KIRREL3: variants seen among roughly 807,000 people sequenced by gnomAD.
The protein encoded by KIRREL3 is kin of IRRE-like protein 3.
Under a neutral mutation model 89.7 loss-of-function variants are expected in KIRREL3, and 36 were observed. That is an observed-to-expected ratio of 0.40 (90% CI 0.31 to 0.53). The LOEUF (loss-of-function observed/expected upper bound fraction) is 0.53. Among genes scored for constraint, KIRREL3 ranks in the 20% least tolerant of loss-of-function variants. The pLI is 0.49. For synonymous variants in KIRREL3, 445 were observed against 441.4 expected (o/e 1.01, Z -0.10); for missense variants, 864 against 1,056.6 (o/e 0.82, Z 2.53).
intron 1 of KIRREL3, chr11:126,936,276 C>G (rs1948180349): frequency 6.6e-6 from 1 of 152,090 alleles, no homozygotes; most frequent in Admixed American, 6.5e-5. Context: ...AACTGGAACC[C>G]TCAATACATT....
intron 1 of KIRREL3, among the ~76,000 whole-genome samples, chr11:126,825,582 C>T (rs915379560): frequency 1.3e-5 from 2 of 152,168 alleles, no homozygotes; most frequent in South Asian, 2.1e-4. Context: ...TGATAAAAAT[C>T]ACAGGCTACT....
intron 1 of KIRREL3, among the ~76,000 whole-genome samples, chr11:126,880,587 C>T (rs934694815): frequency 1.3e-4 from 19 of 150,398 alleles, no homozygotes; most frequent in African/African-American, 4.6e-4. Flanking sequence ...TTTCTTAATG[C>T]AGAAACCAAG....
chr11:126,450,188 T>C (rs1203025251), intron 7 of KIRREL3, among the ~76,000 whole-genome samples: 3 of 152,282 alleles, frequency 2.0e-5, no homozygotes, highest in Admixed American at 6.5e-5. Flanking sequence ...TGTATGTGTG[T>C]GCATGTGTGT....
intron 1 of KIRREL3, among the ~76,000 whole-genome samples, chr11:126,816,764 C>G (rs2134440693): frequency 6.6e-6 from 1 of 152,358 alleles, no homozygotes; most frequent in South Asian, 2.1e-4. Context: ...AAAGCCTGGT[C>G]TCCATGTTGT....
chr11:126,534,475 A>AAGGTAG (rs552300476), intron 2 of KIRREL3, among the ~76,000 whole-genome samples: 45 of 152,142 alleles, frequency 3.0e-4, no homozygotes, highest in Admixed American at 1.2e-3. Flanking sequence ...CGCCGCCTGG[A>AAGGTAG]AGGTAGGTCA....
At chr11:126,487,483 G>GA (rs1306252652) in intron 4 of KIRREL3, among the ~76,000 whole-genome samples, 6 of 152,176 alleles carry the variant, frequency 3.9e-5, no homozygotes, top group Non-Finnish European at 8.8e-5. Flanking sequence ...GGGAATCCCA[G>GA]AAAATCACTA....
At chr11:126,982,243 T>C (rs886082069) in intron 1 of KIRREL3, among the ~76,000 whole-genome samples, 1 of 152,220 alleles carries the variant, frequency 6.6e-6, no homozygotes, top group Non-Finnish European at 1.5e-5. Context: ...CTTCTCTCTC[T>C]GGGCTTGTTA....
rs902854648 is a variant in KIRREL3 at position 126,739,797 on chromosome 11, C to A, written c.56-176885G>T. ...GGCAGCATGTATCAGAGTTTAAAAA[C>A]CTCAGGGAGTTTTGGGCCAGCAAAT... On this transcript the variant is annotated intron_variant, in intron 1 of 16. Coordinates refer to ENST00000525144, the MANE Select transcript of KIRREL3 (RefSeq NM_032531.4). The surrounding 1 kb of genome is among the most constrained non-coding windows in gnomAD (Gnocchi z 5.5). Among the ~76,000 whole-genome samples the A allele has an allele frequency of 6.6e-6, 1 of 152,184 alleles. No individual in the cohort carries two copies. The highest frequency in any genetic ancestry group is 2.4e-5 in the African/African-American group (1 of 41,430).
At chr11:126,831,128 A>G (rs1320722877) in intron 1 of KIRREL3, among the ~76,000 whole-genome samples, 1 of 152,202 alleles carries the variant, frequency 6.6e-6, no homozygotes, top group Non-Finnish European at 1.5e-5. Flanking sequence ...CCTATAAAAC[A>G]GGGACAGTGA....
In KIRREL3 at chr11:126,561,677, G is replaced by A. The variant is rs1344775892; in HGVS notation, c.133+1158C>T. On this transcript the variant is annotated intron_variant, in intron 2 of 16. Coordinates refer to ENST00000525144, the MANE Select transcript of KIRREL3 (RefSeq NM_032531.4). The surrounding 1 kb of genome is among the most constrained non-coding windows in gnomAD (Gnocchi z 4.5). ...GCCATGGGGTTCCTACAAATGGGAA[G>A]TAGCTTTTTGATGCTGTTGGCTTCA... Among the ~76,000 whole-genome samples the A allele has an allele frequency of 1.3e-5, 2 of 152,238 alleles. No individual in the cohort carries two copies. The highest frequency in any genetic ancestry group is 1.3e-4 in the Admixed American group (2 of 15,286).
chr11:126,958,752 T>TTCCTA (rs1948997632), intron 1 of KIRREL3, among the ~76,000 whole-genome samples: 1 of 152,182 alleles, frequency 6.6e-6, no homozygotes, highest in African/African-American at 2.4e-5. Context: ...TTGGGGATAT[T>TTCCTA]TCCTATAAAT....
At position 126,890,065 on chromosome 11, in the gene KIRREL3, T is replaced by C. The variant is rs1945851426; in HGVS notation, c.55+110390A>G. Among the ~76,000 whole-genome samples the C allele has an allele frequency of 6.6e-6, 1 of 152,286 alleles. No individual in the cohort carries two copies. Among genetic ancestry groups the C allele is most frequent in the Admixed American group, 6.5e-5 (1 of 15,308 alleles). On this transcript the variant is annotated intron_variant, in intron 1 of 16. Coordinates refer to ENST00000525144, the MANE Select transcript of KIRREL3 (RefSeq NM_032531.4). The surrounding 1 kb of genome is among the most constrained non-coding windows in gnomAD (Gnocchi z 5.1). ...CCAGCCACAATCACAAATAACTATC[T>C]GGTGGAGGATCTTGTGTCCTTTCAT...
chr11:126,545,590 G>A (rs1230373862), intron 2 of KIRREL3, among the ~76,000 whole-genome samples: 2 of 135,242 alleles, frequency 1.5e-5, no homozygotes, highest in Non-Finnish European at 3.1e-5. Context: ...GACAACATGT[G>A]AGACCCTGTC....
intron 1 of KIRREL3, among the ~76,000 whole-genome samples, chr11:126,804,040 G>A (rs552501561): frequency 5.3e-5 from 8 of 152,152 alleles, no homozygotes; most frequent in Admixed American, 5.2e-4. Context: ...TGTCATCTAT[G>A]TTTGTAAGTA....
At position 126,568,477 on chromosome 11, in the gene KIRREL3, C is replaced by T. The variant is rs73635349; in HGVS notation, c.56-5565G>A. Among the ~76,000 whole-genome samples the T allele has an allele frequency of 0.01, 1,561 of 152,288 alleles. 20 individuals carry two copies. Among genetic ancestry groups the T allele is most frequent in the African/African-American group, 0.035 (1,455 of 41,558 alleles). Reference sequence around the variant, plus strand: ...ATCCCTGCCACGTTGACATAGAGAGCAGGGGAGGGGCTGAAAAAATAGCTC... The same window carrying T: ...ATCCCTGCCACGTTGACATAGAGAGTAGGGGAGGGGCTGAAAAAATAGCTC... On this transcript the variant is annotated intron_variant, in intron 1 of 16. Transcript: ENST00000525144. This position sits in a 1 kb window ranked among gnomAD's most constrained non-coding sequence, Gnocchi z 4.6.
rs201204758 is a variant in KIRREL3 at position 126,562,852 on chromosome 11, A to T, written c.116T>A (p.Phe39Tyr). The change falls in exon 2 of 17, where the codon TTT becomes TAT. Residue 39 changes from phenylalanine (F) to tyrosine (Y), a missense_variant. Transcript: ENST00000525144. The surrounding 1 kb of genome is among the most constrained non-coding windows in gnomAD (Gnocchi z 4.7). ...TCACTGACCTTCATTCATTCTCCGA[A>T]ACTTGTCCTTGGCCATGTAGCCCAG... Reference protein sequence around the residue: ...LVLGYMAKDKFRRMNEGQVYS... With the variant: ...LVLGYMAKDKYRRMNEGQVYS... 1.8e-3 allele frequency: 2,864 copies of T among 1,613,718 alleles called. 2 individuals are homozygous for T. Among genetic ancestry groups the T allele is most frequent in the Non-Finnish European group, 2.3e-3 (2,669 of 1,179,750 alleles).
intron 1 of KIRREL3, among the ~76,000 whole-genome samples, chr11:126,964,942 A>G (rs1032735468): frequency 2.0e-5 from 3 of 152,196 alleles, no homozygotes; most frequent in Non-Finnish European, 4.4e-5. Flanking sequence ...AGGGCATTGG[A>G]AAGCAATATT....
At position 126,892,694 on chromosome 11, in the gene KIRREL3, A is replaced by T. The variant is rs1028540227; in HGVS notation, c.55+107761T>A. 6.6e-5 allele frequency among the ~76,000 whole-genome samples: 10 copies of T among 152,178 alleles called. No homozygotes were observed. The highest frequency in any genetic ancestry group is 2.4e-4 in the African/African-American group (10 of 41,456). ...CTTTTCTCTGGTTGATTTCATCTCC[A>T]GTAGCCAAGTAGAAACTACAGCATG... On this transcript the variant is annotated intron_variant, in intron 1 of 16. Transcript: ENST00000525144. The surrounding 1 kb of genome is among the most constrained non-coding windows in gnomAD (Gnocchi z 5.4).
chr11:126,661,108 A>G (rs1945381503), intron 1 of KIRREL3, among the ~76,000 whole-genome samples: 1 of 152,218 alleles, frequency 6.6e-6, no homozygotes. Flanking sequence ...CATACTAAGA[A>G]AAAAGGAAAA....
Sources: allele counts gnomAD v4.1 joint callset (sites outside exome capture counted in the v4.1 genomes callset), GRCh38; gene constraint gnomAD v4.1.1; non-coding constraint Gnocchi (gnomAD v3.1); transcripts MANE v1.5; gene names NCBI Gene and HGNC (gene_info 2026-07-23, HGNC 2026-07-21).